CYP21A2: variants seen among roughly 807,000 people sequenced by gnomAD.
CYP21A2 encodes steroid 21-hydroxylase.
A neutral mutation model predicts 47.4 loss-of-function variants in CYP21A2; 24 were observed. The observed-to-expected ratio is 0.51, with a 90% CI of 0.37 to 0.71. The LOEUF (loss-of-function observed/expected upper bound fraction) is 0.71. Ranked by LOEUF, CYP21A2 falls within the 30% of genes least tolerant of loss-of-function variation. The pLI is 0.00. For missense variants in CYP21A2, 358 were observed against 643.2 expected (o/e 0.56, Z 4.80); for synonymous variants, 130 against 273.9 (o/e 0.47, Z 5.19).
At position 32,040,693 on chromosome 6, in the gene CYP21A2, G is replaced by A. The variant is rs1395322291; in HGVS notation, c.1144G>A (p.Gly382Ser). Residue 382 changes from glycine (G) to serine (S), a missense_variant, in exon 9 of 10, where the codon GGC (glycine) becomes AGC (serine). Coordinates refer to ENST00000644719, the MANE Select transcript of CYP21A2 (RefSeq NM_000500.9). ...CATCTCCGGCTACGACATCCCTGAG[G>A]GCACAGTCATCATTCCGAACCTCCA... Reference protein sequence around the residue: ...SSISGYDIPEGTVIIPNLQGA... With the variant: ...SSISGYDIPESTVIIPNLQGA... 6.3e-7 allele frequency: 1 copy of A among 1,584,614 alleles called. No homozygotes were observed. Among genetic ancestry groups the A allele is most frequent in the Non-Finnish European group, 8.7e-7 (1 of 1,152,704 alleles).
Position 32,039,781 on chromosome 6 carries a change from G to T in CYP21A2, c.684G>T (p.Lys228Asn). 6.2e-7 allele frequency: 1 copy of T among 1,613,840 alleles called. No individual in the cohort carries two copies. The highest frequency in any genetic ancestry group is 8.5e-7 in the Non-Finnish European group (1 of 1,179,892). ...CCAATCCAGGTCTCCGGAGGCTGAA[G>T]CAGGCCATAGAGAAGAGGGATCACA... is the stretch of plus-strand genomic sequence containing the variant. ...FFPNPGLRRLKQAIEKRDHIV... is the reference protein window; with the variant it reads ...FFPNPGLRRLNQAIEKRDHIV... Residue 228 changes from lysine to asparagine, a missense_variant, in exon 6 of 10, where the codon AAG becomes AAT. Physicochemically the swap from Lys to Asn is moderately conservative, Grantham distance 94 (BLOSUM62 0). Coordinates refer to ENST00000644719, the MANE Select transcript of CYP21A2 (RefSeq NM_000500.9).
intron 2 of CYP21A2, 140 bp downstream of exon 2, chr6:32,038,951 G>C (rs1397246743): frequency 6.7e-7 from 1 of 1,497,522 alleles, no homozygotes; most frequent in Admixed American, 2.0e-5. Context: ...GCCACCTTTG[G>C]GGCATCCCCA....
Position 32,038,530 on chromosome 6 carries a change from C to T in CYP21A2, c.108C>T (p.Gly36=), listed in dbSNP as rs551374557. 1.2e-6 allele frequency: 2 copies of T among 1,607,868 alleles called. No homozygotes were observed. The highest frequency in any genetic ancestry group is 2.2e-5 in the South Asian group (2 of 90,248). The change falls in exon 1 of 10, where the codon GGC becomes GGT. Residue 36 remains glycine, a synonymous_variant. Coordinates refer to ENST00000644719, the MANE Select transcript of CYP21A2 (RefSeq NM_000500.9). The part of the protein sequence containing the change: ...RSLHLPPLAP[G]FLHLLQPDLP... Reference sequence around the variant, plus strand: ...TCCACCTCCCGCCTCTTGCCCCGGGCTTCTTGCACCTGCTGCAGCCCGACC... The same window carrying T: ...TCCACCTCCCGCCTCTTGCCCCGGGTTTCTTGCACCTGCTGCAGCCCGACC...
At position 32,038,565 on chromosome 6, in the gene CYP21A2, A is replaced by G. The variant is rs566306310; in HGVS notation, c.143A>G (p.Tyr48Cys). 2.6e-5 allele frequency: 41 copies of G among 1,599,162 alleles called. No homozygotes were observed. The highest frequency in any genetic ancestry group is 1.7e-4 in the Middle Eastern group (1 of 6,034). The stretch of plus-strand genomic sequence containing the variant: ...CTGCTGCAGCCCGACCTCCCCATCT[A>G]TCTGCTTGGCCTGACTCAGAAATTC... Reference protein sequence around the residue: ...LHLLQPDLPIYLLGLTQKFGP... With the variant: ...LHLLQPDLPICLLGLTQKFGP... Residue 48 changes from tyrosine (Y) to cysteine (C), a missense_variant, in exon 1 of 10, where the codon TAT becomes TGT. Physicochemically the swap from Tyr to Cys is radical, Grantham distance 194. Coordinates refer to ENST00000644719, the MANE Select transcript of CYP21A2 (RefSeq NM_000500.9).
rs1191667797 is a variant in CYP21A2 at position 32,038,761 on chromosome 6, C to T, written c.242C>T (p.Ala81Val). The T allele has an allele frequency of 3.6e-6, 5 of 1,402,272 alleles. No homozygotes were observed. The highest frequency in any genetic ancestry group is 5.0e-6 in the Non-Finnish European group (5 of 1,000,680). 86.9% of individuals were successfully genotyped at this position (1,402,272 alleles called of 1,614,324 possible). A position where few individuals can be genotyped will look rare whatever the true frequency, so the allele number is the denominator to read the frequency against. Residue 81 changes from alanine to valine, a missense_variant, in exon 2 of 10, where the codon GCC becomes GTC. Physicochemically the swap from Ala to Val is moderately conservative, Grantham distance 64. Transcript: ENST00000644719. ...VLNSKRTIEE[A>V]MVKKWADFAG... is the part of the protein sequence containing the mutation. ...AACTCCAAGAGGACCATTGAGGAAGCCATGGTCAAAAAGTGGGCAGACTTT... is the reference window on the plus strand; with the variant it reads ...AACTCCAAGAGGACCATTGAGGAAGTCATGGTCAAAAAGTGGGCAGACTTT...
rs1243258133 is a variant in CYP21A2 at position 32,039,406 on chromosome 6, T to C, written c.498T>C (p.Ser166=). The change falls in exon 4 of 10, where the codon TCT becomes TCC. Residue 166 remains serine (S), a synonymous_variant. Transcript: ENST00000644719. ...GTPVAIEEEF[S]LLTCSIICYL... The stretch of plus-strand genomic sequence containing the variant: ...CTGTGGCCATTGAGGAGGAATTCTC[T>C]CTCCTCACCTGCAGCATCATCTGTT... The C allele has an allele frequency of 6.2e-6, 10 of 1,612,960 alleles. No individual in the cohort carries two copies. The highest frequency in any genetic ancestry group is 8.5e-6 in the Non-Finnish European group (10 of 1,179,632).
intron 2 of CYP21A2, 99 bp downstream of exon 2, chr6:32,038,910 A>T: frequency 7.2e-7 from 1 of 1,383,114 alleles, no homozygotes; most frequent in Non-Finnish European, 1.0e-6. Context: ...CCTAGTCTCA[A>T]ATGATCCTCC....
chr6:32,038,866 G>A, intron 2 of CYP21A2, 55 bp downstream of exon 2: 3 of 1,397,266 alleles, frequency 2.1e-6, no homozygotes, highest in Non-Finnish European at 2.0e-6. Context: ...TAAGAGATGG[G>A]TTCTTGCTAT....
At chr6:32,038,962 A>G (rs1173520413) in intron 2 of CYP21A2, 132 bp from the exon 3 acceptor site, 48 of 1,523,078 alleles carry the variant, frequency 3.2e-5, no homozygotes, top group Non-Finnish European at 4.1e-5. Flanking sequence ...GGCATCCCCA[A>G]TCCAGGTCCC....
chr6:32,038,937 G>A, intron 2 of CYP21A2, 126 bp downstream of exon 2: 1 of 1,458,218 alleles, frequency 6.9e-7, no homozygotes, highest in South Asian at 1.2e-5. Flanking sequence ...AGCCTCAAGT[G>A]TGAGCCACCT....
In CYP21A2 at chr6:32,039,531, C is replaced by T; in HGVS notation, c.550-15C>T. ...CCTTGTCCTGAACTGAAAGTACTCC[C>T]TCCTTTTCTGGCAGGACGACAACTT... On this transcript the variant is annotated splice_polypyrimidine_tract_variant and intron_variant, in intron 4 of 9. Transcript: ENST00000644719. 6.4e-7 allele frequency: 1 copy of T among 1,570,120 alleles called. No homozygotes were observed. The highest frequency in any genetic ancestry group is 8.7e-7 in the Non-Finnish European group (1 of 1,154,776).
Position 32,038,506 on chromosome 6 carries a change from C to T in CYP21A2, c.84C>T (p.Leu28=). ...LLWNWWKLRS[L]HLPPLAPGFL... The stretch of plus-strand genomic sequence containing the variant: ...GGAACTGGTGGAAGCTCCGGAGCCT[C>T]CACCTCCCGCCTCTTGCCCCGGGCT... Residue 28 remains leucine, a synonymous_variant, in exon 1 of 10, where the codon CTC becomes CTT. Transcript: ENST00000644719. 1 of 1,604,174 alleles carries T rather than the reference C, an allele frequency of 6.2e-7. No individual in the cohort carries two copies. The highest frequency in any genetic ancestry group is 8.5e-7 in the Non-Finnish European group (1 of 1,175,070).
rs567593813 is a variant in CYP21A2 at position 32,038,968 on chromosome 6, G to A, written c.293-126G>A. 2.0e-6 allele frequency: 3 copies of A among 1,528,946 alleles called. No individual in the cohort carries two copies. The East Asian group carries it at 7.4e-5, about 38-fold the overall frequency. The allele number at this position is 1,528,946 out of a possible 1,614,324, so 94.7% of individuals were successfully genotyped here. A position where few individuals can be genotyped will look rare whatever the true frequency, so the allele number is the denominator to read the frequency against. On this transcript the variant is annotated intron_variant, in intron 2 of 9. Transcript: ENST00000644719. ...CACCTTTGGGGCATCCCCAATCCAG[G>A]TCCCTGGAAGCTCTTGGGGGGGCAT...
intron 3 of CYP21A2, 47 bp from the exon 4 acceptor site, chr6:32,039,309 C>T (rs1422172615): frequency 1.3e-6 from 2 of 1,582,300 alleles, no homozygotes; most frequent in Non-Finnish European, 1.7e-6. Flanking sequence ...AGCCCCCGCC[C>T]TGCCCGCTGC....
intron 5 of CYP21A2, 43 bp from the exon 6 acceptor site, chr6:32,039,706 G>T (rs1377476139): frequency 1.9e-6 from 3 of 1,577,444 alleles, no homozygotes; most frequent in Non-Finnish European, 2.6e-6. Flanking sequence ...GGTGGAGGGA[G>T]AGGCTCCTTC....
chr6:32,040,501 G>A lies in CYP21A2; in HGVS notation c.1035G>A (p.Leu345=), dbSNP rs1300984420. The A allele has an allele frequency of 1.7e-5, 27 of 1,613,372 alleles. No individual in the cohort carries two copies. Among genetic ancestry groups the A allele is most frequent in the Non-Finnish European group, 2.2e-5 (26 of 1,179,812 alleles). ...VPYKDRARLP[L]LNATIAEVLR... is the part of the protein sequence containing the mutation. ...ACAAGGACCGTGCACGGCTGCCCTT[G>A]CTCAATGCCACCATCGCCGAGGTGC... Residue 345 remains leucine, a synonymous_variant, in exon 8 of 10, where the codon TTG becomes TTA. Coordinates refer to ENST00000644719, the MANE Select transcript of CYP21A2 (RefSeq NM_000500.9).
intron 2 of CYP21A2, 57 bp downstream of exon 2, chr6:32,038,868 T>G: frequency 7.2e-7 from 1 of 1,385,014 alleles, no homozygotes. Context: ...AGAGATGGGT[T>G]CTTGCTATGC....
intron 2 of CYP21A2, 139 bp from the exon 3 acceptor site, chr6:32,038,955 A>T (rs1433445582): frequency 3.4e-5 from 51 of 1,505,086 alleles, no homozygotes; most frequent in East Asian, 7.4e-5. Flanking sequence ...CCTTTGGGGC[A>T]TCCCCAATCC....
chr6:32,039,602 G>A lies in CYP21A2; in HGVS notation c.606G>A (p.Trp202Ter). 1 of 1,572,296 alleles carries A rather than the reference G, an allele frequency of 6.4e-7. No homozygotes were observed. The highest frequency in any genetic ancestry group is 8.6e-7 in the Non-Finnish European group (1 of 1,157,132). The change falls in exon 5 of 10, where the codon TGG (tryptophan) becomes TGA (stop). Residue 202 changes from tryptophan to a stop codon, truncating the protein, a stop_gained. Coordinates refer to ENST00000644719, the MANE Select transcript of CYP21A2 (RefSeq NM_000500.9). LOFTEE classifies it high-confidence loss of function. ...YKCIQEVLKT[W>*]SHWSIQIVDV... Reference sequence around the variant, plus strand: ...GTATCCAGGAGGTGTTAAAAACCTGGAGCCACTGGTCCATCCAAATTGTGG... The same window carrying A: ...GTATCCAGGAGGTGTTAAAAACCTGAAGCCACTGGTCCATCCAAATTGTGG...
Sources: allele counts gnomAD v4.1 joint callset, GRCh38; gene constraint gnomAD v4.1.1; transcripts MANE v1.5; gene names NCBI Gene and HGNC (gene_info 2026-07-23, HGNC 2026-07-21).